Variants in CBLB observed in about 807,000 individuals in gnomAD.
CBLB encodes E3 ubiquitin-protein ligase CBL-B.
In CBLB, 31 loss-of-function variants were observed where a neutral mutation model predicts 104.9. The observed-to-expected ratio is 0.30, with a 90% CI of 0.22 to 0.40. The LOEUF (loss-of-function observed/expected upper bound fraction) is 0.40. CBLB is among the 10% of genes least tolerant of loss of function. The pLI is 1.00. For missense variants in CBLB, 1,062 were observed against 1,214.6 expected (o/e 0.87, Z 1.87); for synonymous variants, 440 against 422.6 (o/e 1.04, Z -0.51).
intron 3 of CBLB, among the ~76,000 whole-genome samples, chr3:105,820,245 G>A (rs78137614): frequency 0.074 from 11,280 of 152,172 alleles, 575 homozygotes; most frequent in East Asian, 0.29. Flanking sequence ...CGGAGCCCAG[G>A]TGGTCATGTG....
chr3:105,658,140 C>T lies in CBLB; in HGVS notation c.*830G>A, dbSNP rs1177758574. ...TTGTCTTATACAAGTGTTCTCTCTT[C>T]CACATCTGTAGTAGCTGCTTTCTAA... On this transcript the variant is annotated 3_prime_UTR_variant, in exon 19 of 19. Transcript: ENST00000394030. 1 of 217,562 alleles carries T rather than the reference C, an allele frequency of 4.6e-6. No homozygotes were observed. Among genetic ancestry groups the T allele is most frequent in the African/African-American group, 2.3e-5 (1 of 44,416 alleles). 13.5% of individuals were successfully genotyped at this position (217,562 alleles called of 1,614,324 possible).
chr3:105,718,880 AG>A (rs2072333537), intron 10 of CBLB, among the ~76,000 whole-genome samples: 1 of 152,234 alleles, frequency 6.6e-6, no homozygotes, highest in Non-Finnish European at 1.5e-5. Context: ...CTTCCTGTAC[AG>A]GGAATAGCCT....
chr3:105,760,670 T>G (rs952115392), intron 4 of CBLB, among the ~76,000 whole-genome samples: 2 of 151,464 alleles, frequency 1.3e-5, no homozygotes, highest in Admixed American at 1.3e-4. Flanking sequence ...TCTCTCAACA[T>G]GAGCCAATTA....
intron 3 of CBLB, among the ~76,000 whole-genome samples, chr3:105,826,846 T>C (rs998898356): frequency 6.6e-6 from 1 of 152,150 alleles, no homozygotes; most frequent in Non-Finnish European, 1.5e-5. Flanking sequence ...TGAAAGGAAA[T>C]GTTCCCTCAA....
chr3:105,674,828 A>C (rs190459164), intron 17 of CBLB, among the ~76,000 whole-genome samples: 1 of 152,314 alleles, frequency 6.6e-6, no homozygotes, highest in African/African-American at 2.4e-5. Flanking sequence ...AGCTGTAGGC[A>C]TTACTATTCT....
At chr3:105,857,682 T>G (rs2091744999) in intron 2 of CBLB, among the ~76,000 whole-genome samples, 1 of 152,234 alleles carries the variant, frequency 6.6e-6, no homozygotes, top group African/African-American at 2.4e-5. Context: ...ATTTTTATTT[T>G]ATTCCATTTG....
At chr3:105,790,859 A>C (rs1235888764) in intron 3 of CBLB, among the ~76,000 whole-genome samples, 1 of 152,198 alleles carries the variant, frequency 6.6e-6, no homozygotes, top group Admixed American at 6.5e-5. Context: ...TAGGGGAGCA[A>C]GAACACATCA....
chr3:105,759,445 G>A (rs2152926953), intron 4 of CBLB, among the ~76,000 whole-genome samples: 1 of 152,326 alleles, frequency 6.6e-6, no homozygotes, highest in South Asian at 2.1e-4. Context: ...GAGCCTGTCT[G>A]CCTCCTGCTG....
chr3:105,708,834 C>T (rs2070628302), intron 10 of CBLB, among the ~76,000 whole-genome samples: 2 of 151,758 alleles, frequency 1.3e-5, no homozygotes, highest in Admixed American at 1.3e-4. Context: ...AAAATAAATG[C>T]TGATGTAAAA....
In CBLB at chr3:105,682,110, G is replaced by A. The variant is rs527773447; in HGVS notation, c.2202-292C>T. On this transcript the variant is annotated intron_variant, in intron 14 of 18. Transcript: ENST00000394030. Reference sequence around the variant, plus strand: ...CTATGTAAAATTAACTTATCTCTGTGGAAGAATTCAATAGAACCTGGTCAA... The same window carrying A: ...CTATGTAAAATTAACTTATCTCTGTAGAAGAATTCAATAGAACCTGGTCAA... 6.8e-5 allele frequency: 21 copies of A among 309,342 alleles called. No individual in the cohort carries two copies. In the East Asian group the frequency reaches 1.1e-3, roughly 17 times the overall value. 19.2% of individuals were successfully genotyped at this position (309,342 alleles called of 1,614,324 possible).
chr3:105,818,305 C>T (rs996108725), intron 3 of CBLB, among the ~76,000 whole-genome samples: 3 of 152,068 alleles, frequency 2.0e-5, no homozygotes, highest in Admixed American at 6.5e-5. Flanking sequence ...TACCAATTGA[C>T]ATTTATGGAG....
intron 10 of CBLB, among the ~76,000 whole-genome samples, chr3:105,713,961 T>A (rs145804470): frequency 1.2e-3 from 176 of 152,212 alleles, no homozygotes; most frequent in Non-Finnish European, 2.2e-3. Context: ...AACAAAAGTG[T>A]CCCCATATAT....
chr3:105,834,727 C>T (rs1174217883), intron 3 of CBLB, among the ~76,000 whole-genome samples: 2 of 152,124 alleles, frequency 1.3e-5, no homozygotes, highest in African/African-American at 4.8e-5. Flanking sequence ...ATCTTCCCCA[C>T]TATACATAAA....
At chr3:105,745,000 A>G (rs2075967668) in intron 6 of CBLB, among the ~76,000 whole-genome samples, 1 of 151,502 alleles carries the variant, frequency 6.6e-6, no homozygotes, top group African/African-American at 2.4e-5. Flanking sequence ...TAAACCAAAT[A>G]AAAATGATAC....
At chr3:105,828,523 A>C (rs2086941575) in intron 3 of CBLB, among the ~76,000 whole-genome samples, 1 of 152,198 alleles carries the variant, frequency 6.6e-6, no homozygotes, top group Non-Finnish European at 1.5e-5. Context: ...TAGACGCCAA[A>C]ATACTTGAAA....
At chr3:105,726,261 A>G (rs962630400) in intron 9 of CBLB, among the ~76,000 whole-genome samples, 1 of 152,180 alleles carries the variant, frequency 6.6e-6, no homozygotes, top group African/African-American at 2.4e-5. Flanking sequence ...ACATCTATAA[A>G]TCTCCTTAAT....
chr3:105,766,402 G>A (rs1484123917), intron 4 of CBLB, among the ~76,000 whole-genome samples: 1 of 152,128 alleles, frequency 6.6e-6, no homozygotes, highest in African/African-American at 2.4e-5. Flanking sequence ...ACTCTATTGT[G>A]AGTAAAATAT....
Position 105,681,576 on chromosome 3 carries a change from T to C in CBLB, c.2331A>G (p.Pro777=), listed in dbSNP as rs56310324. ...DVFDSASDPV[P]LPPARPPTRD... ...GAGTTGGAGGCCTGGCAGGTGGTAATGGCACGGGATCAGAGGCTGAATCAA... is the reference window on the plus strand; with the variant it reads ...GAGTTGGAGGCCTGGCAGGTGGTAACGGCACGGGATCAGAGGCTGAATCAA... The change falls in exon 16 of 19, where the codon CCA becomes CCG. Residue 777 remains proline (P), a synonymous_variant. Coordinates refer to ENST00000394030, the MANE Select transcript of CBLB (RefSeq NM_170662.5). 8.0e-4 allele frequency: 1,296 copies of C among 1,614,096 alleles called. 9 individuals carry two copies. The East Asian group carries it at 0.023, about 28-fold the overall frequency.
chr3:105,811,380 T>C (rs1004442693), intron 3 of CBLB, among the ~76,000 whole-genome samples: 1 of 152,198 alleles, frequency 6.6e-6, no homozygotes, highest in African/African-American at 2.4e-5. Flanking sequence ...ATATAGAGTT[T>C]AAAAACCAAT....
Sources: allele counts gnomAD v4.1 joint callset (sites outside exome capture counted in the v4.1 genomes callset), GRCh38; gene constraint gnomAD v4.1.1; transcripts MANE v1.5; gene names NCBI Gene and HGNC (gene_info 2026-07-23, HGNC 2026-07-21).